Variants in UBA2 observed in about 807,000 individuals in gnomAD.
The protein encoded by UBA2 is SUMO-activating enzyme subunit 2.
In UBA2, 11 loss-of-function variants were observed where a neutral mutation model predicts 77.2. The ratio of observed to expected loss-of-function variants is 0.14; its 90% CI spans 0.09 to 0.24. The LOEUF is 0.24. UBA2 is among the 10% of genes least tolerant of loss of function. The pLI, the probability that UBA2 is intolerant of heterozygous loss-of-function variation, is 1.00. For missense variants in UBA2, 487 were observed against 781.7 expected (o/e 0.62, Z 4.50); for synonymous variants, 278 against 276.7 (o/e 1.00, Z -0.05).
chr19:34,433,130 G>T, intron 3 of UBA2: 1 of 467,306 alleles, frequency 2.1e-6, no homozygotes, highest in Non-Finnish European at 3.8e-6. Flanking sequence ...TTTCTCTTGT[G>T]CCCTAGCTGG....
chr19:34,455,791 A>C (rs923186313), intron 12 of UBA2, among the ~76,000 whole-genome samples: 7 of 151,978 alleles, frequency 4.6e-5, no homozygotes, highest in Non-Finnish European at 1.0e-4. Flanking sequence ...TTACAGGTGC[A>C]TGCCACCATG....
chr19:34,444,044 GTTTTTTTTTTTT>G (rs35028159), intron 7 of UBA2, 133 bp downstream of exon 7: 3 of 175,806 alleles, frequency 1.7e-5, no homozygotes, highest in South Asian at 6.9e-5. Flanking sequence ...TTTTTTTTTT[GTTTTTTTTTTTT>G]TTTTTTTTTT....
At chr19:34,459,387 T>A (rs570085143) in intron 13 of UBA2, among the ~76,000 whole-genome samples, 1 of 152,314 alleles carries the variant, frequency 6.6e-6, no homozygotes, top group South Asian at 2.1e-4. Context: ...TTTTGGTTTC[T>A]CTGCGTGTTG....
In UBA2 at chr19:34,469,427, T is replaced by G. The variant is rs1287087483; in HGVS notation, c.*206T>G. On this transcript the variant is annotated 3_prime_UTR_variant, in exon 17 of 17. Coordinates refer to ENST00000246548, the MANE Select transcript of UBA2 (RefSeq NM_005499.3). ...AGTAGGAATATAGTTTTAAAAACCC[T>G]TTGAACAAAGTGTGTGCATAACCAG... 1 of 331,852 alleles carries G rather than the reference T, an allele frequency of 3.0e-6. No homozygotes were observed. Among genetic ancestry groups the G allele is most frequent in the Non-Finnish European group, 5.3e-6 (1 of 188,072 alleles). 20.6% of individuals were successfully genotyped at this position (331,852 alleles called of 1,614,324 possible). A position where few individuals can be genotyped will look rare whatever the true frequency, so the allele number is the denominator to read the frequency against.
intron 8 of UBA2, among the ~76,000 whole-genome samples, chr19:34,446,942 C>T (rs1355513184): frequency 1.3e-5 from 2 of 152,120 alleles, no homozygotes; most frequent in Non-Finnish European, 2.9e-5. Flanking sequence ...GCATTTATTT[C>T]CTCACTACAG....
intron 4 of UBA2, among the ~76,000 whole-genome samples, chr19:34,433,800 AAC>A (rs1431612125): frequency 6.6e-6 from 1 of 152,170 alleles, no homozygotes; most frequent in African/African-American, 2.4e-5. Flanking sequence ...TCTACCAAAA[AAC>A]ACAAAAATTA....
chr19:34,440,781 C>T (rs1463974986), intron 6 of UBA2, among the ~76,000 whole-genome samples: 2 of 152,010 alleles, frequency 1.3e-5, no homozygotes, highest in Non-Finnish European at 2.9e-5. Flanking sequence ...ACAAAATTAG[C>T]CGGACATGGT....
intron 12 of UBA2, among the ~76,000 whole-genome samples, chr19:34,457,179 A>AAAAAAATAT (rs1262007864): frequency 5.6e-5 from 3 of 53,224 alleles, no homozygotes; most frequent in African/African-American, 1.2e-4. Context: ...AAAAAAAAAA[A>AAAAAAATAT]ATATATATAT....
chr19:34,454,135 A>G (rs1236155971), intron 10 of UBA2, 125 bp from the exon 11 acceptor site: 1 of 875,296 alleles, frequency 1.1e-6, no homozygotes, highest in Admixed American at 2.7e-5. Context: ...TCTTTCCCTC[A>G]GCAACCTCTT....
At chr19:34,442,348 T>G (rs1167605863) in intron 6 of UBA2, among the ~76,000 whole-genome samples, 4 of 152,226 alleles carry the variant, frequency 2.6e-5, no homozygotes, top group Non-Finnish European at 4.4e-5. Flanking sequence ...CTTGGAAAAT[T>G]AAGTATAAGA....
chr19:34,457,179 A>AAAATAT (rs1262007864), intron 12 of UBA2, among the ~76,000 whole-genome samples: 37 of 53,210 alleles, frequency 7.0e-4, no homozygotes, highest in African/African-American at 3.4e-3. Context: ...AAAAAAAAAA[A>AAAATAT]ATATATATAT....
At position 34,469,444 on chromosome 19, in the gene UBA2, C is replaced by T. The variant is rs2075718830; in HGVS notation, c.*223C>T. 1 of 276,668 alleles carries T rather than the reference C, an allele frequency of 3.6e-6. No individual in the cohort carries two copies. The highest frequency in any genetic ancestry group is 6.7e-6 in the Non-Finnish European group (1 of 149,590). The allele number at this position is 276,668 out of a possible 1,614,324, so 17.1% of individuals were successfully genotyped here. On this transcript the variant is annotated 3_prime_UTR_variant, in exon 17 of 17. Transcript: ENST00000246548. ...AAAAACCCTTTGAACAAAGTGTGTGCATAACCAGTCATGAGATAAAACAAC... is the reference window on the plus strand; with the variant it reads ...AAAAACCCTTTGAACAAAGTGTGTGTATAACCAGTCATGAGATAAAACAAC...
chr19:34,434,272 G>A lies in UBA2; in HGVS notation c.359-596G>A, dbSNP rs529827233. Among the ~76,000 whole-genome samples the A allele has an allele frequency of 3.3e-5, 5 of 152,092 alleles. No homozygotes were observed. In the East Asian group the frequency reaches 5.8e-4, roughly 18 times the overall value. ...TCTGCAGACAGGTACCACCATACCC[G>A]GCTAATTTTTTTATGTTTATTTTTG... On this transcript the variant is annotated intron_variant, in intron 4 of 16. Transcript: ENST00000246548.
chr19:34,444,032 TGTTTTTTTTTTG>T, intron 7 of UBA2, 121 bp downstream of exon 7: 1 of 362,564 alleles, frequency 2.8e-6, no homozygotes, highest in Non-Finnish European at 5.0e-6. Context: ...GTTTAACATG[TGTTTTTTTTTTG>T]TTTTTTTTTT....
intron 8 of UBA2, among the ~76,000 whole-genome samples, chr19:34,448,084 T>C (rs1233206086): frequency 6.6e-6 from 1 of 152,114 alleles, no homozygotes; most frequent in Non-Finnish European, 1.5e-5. Context: ...TGGGAATCCA[T>C]TGAAAGGTGG....
intron 16 of UBA2, among the ~76,000 whole-genome samples, chr19:34,467,898 A>G (rs1285558478): frequency 6.6e-6 from 1 of 152,214 alleles, no homozygotes; most frequent in Non-Finnish European, 1.5e-5. Context: ...AAGTCAGCCT[A>G]TGTAGTAGCA....
In UBA2 at chr19:34,445,135, T is replaced by C. The variant is rs1032982439; in HGVS notation, c.771+14T>C. On this transcript the variant is annotated intron_variant, in intron 8 of 16. Coordinates refer to ENST00000246548, the MANE Select transcript of UBA2 (RefSeq NM_005499.3). ...CTTTTTACCAAGGTTAGATTTACTT[T>C]TTTTATAATCATGGATAGATGTATT... The C allele has an allele frequency of 6.2e-7, 1 of 1,606,864 alleles. No homozygotes were observed. The highest frequency in any genetic ancestry group is 1.3e-5 in the African/African-American group (1 of 74,626).
chr19:34,456,620 C>T (rs922655337), intron 12 of UBA2, among the ~76,000 whole-genome samples: 7 of 150,840 alleles, frequency 4.6e-5, no homozygotes, highest in East Asian at 2.0e-4. Flanking sequence ...TGCAGTGGCG[C>T]GATCTCAGCT....
At chr19:34,467,858 CA>C (rs1182348808) in intron 16 of UBA2, among the ~76,000 whole-genome samples, 4 of 152,190 alleles carry the variant, frequency 2.6e-5, no homozygotes, top group Non-Finnish European at 5.9e-5. Flanking sequence ...TGGTTTTTAA[CA>C]GTTTGAAATG....
Sources: allele counts gnomAD v4.1 joint callset (sites outside exome capture counted in the v4.1 genomes callset), GRCh38; gene constraint gnomAD v4.1.1; transcripts MANE v1.5; gene names NCBI Gene and HGNC (gene_info 2026-07-23, HGNC 2026-07-21).